HMCN1: variants seen among roughly 807,000 people sequenced by gnomAD.
HMCN1 encodes the protein hemicentin-1.
In HMCN1, 321 loss-of-function variants were observed where a neutral mutation model predicts 625.9. The ratio of observed to expected loss-of-function variants is 0.51; its 90% CI spans 0.47 to 0.56. HMCN1 has a LOEUF of 0.56. HMCN1 is among the 20% of genes least tolerant of loss of function. The pLI is 0.00. For missense variants in HMCN1, 6,588 were observed against 6,887.3 expected, an observed-to-expected ratio of 0.96 and a Z score of 1.54; for synonymous variants, 2,425 against 2,417.6, an observed-to-expected ratio of 1.00 and a Z score of -0.09.
chr1:186,020,502 C>G (rs192519732), intron 35 of HMCN1, among the ~76,000 whole-genome samples: 1 of 151,956 alleles, frequency 6.6e-6, no homozygotes, highest in Non-Finnish European at 1.5e-5. Context: ...GTGAAAGATT[C>G]AGTTTTTAGC....
Position 186,180,620 on chromosome 1 carries a change from C to T in HMCN1, c.16295-1548C>T, listed in dbSNP as rs75199632. On this transcript the variant is annotated intron_variant, in intron 104 of 106. Coordinates refer to ENST00000271588, the MANE Select transcript of HMCN1 (RefSeq NM_031935.3). ...GAGTCTTATAAATGTTTTCTGTCTT[C>T]CGTTTATGTTAAACCAATGTTATGT... 2.4e-3 allele frequency among the ~76,000 whole-genome samples: 371 copies of T among 152,230 alleles called. 1 individual carries two copies. Among genetic ancestry groups the T allele is most frequent in the Admixed American group, 0.018 (272 of 15,266 alleles).
intron 1 of HMCN1, among the ~76,000 whole-genome samples, chr1:185,755,465 G>A (rs965933650): frequency 1.3e-5 from 2 of 152,218 alleles, no homozygotes; most frequent in East Asian, 1.9e-4. Context: ...CTGGAAGGCT[G>A]TCTTTCACTG....
intron 69 of HMCN1, 75 bp from the exon 70 acceptor site, chr1:186,106,809 A>G: frequency 9.4e-7 from 1 of 1,058,558 alleles, no homozygotes; most frequent in Non-Finnish European, 1.5e-6. Context: ...ATTTACATTC[A>G]TTCTAGTGGA....
intron 11 of HMCN1, 84 bp downstream of exon 11, chr1:185,933,908 G>A: frequency 8.8e-7 from 1 of 1,130,406 alleles, no homozygotes; most frequent in Non-Finnish European, 1.3e-6. Flanking sequence ...TTGGCTATCT[G>A]AGAGTGAGAG....
In HMCN1 at chr1:185,977,839, A is replaced by G; in HGVS notation, c.2424A>G (p.Ser808=). 6.2e-7 allele frequency: 1 copy of G among 1,613,344 alleles called. No homozygotes were observed. Among genetic ancestry groups the G allele is most frequent in the Non-Finnish European group, 8.5e-7 (1 of 1,179,516 alleles). Residue 808 remains serine (S), a synonymous_variant, in exon 16 of 107, where the codon TCA becomes TCG. Transcript: ENST00000271588. The part of the protein sequence containing the change: ...EPADVSMEIG[S]NVTLPCYVQG... ...CTGATGTGTCTATGGAAATTGGCTC[A>G]AATGTGACATTACCTTGTTATGTTC...
intron 1 of HMCN1, among the ~76,000 whole-genome samples, chr1:185,776,442 TTGTGTGTG>T (rs57003461): frequency 8.9e-4 from 131 of 147,086 alleles, no homozygotes; most frequent in South Asian, 4.1e-3. Flanking sequence ...TTGTATAGGG[TTGTGTGTG>T]TGTGTGTGTG....
Position 186,137,530 on chromosome 1 carries a change from A to G in HMCN1, c.13615A>G (p.Arg4539Gly). 1 of 1,613,734 alleles carries G rather than the reference A, an allele frequency of 6.2e-7. No individual in the cohort carries two copies. The highest frequency in any genetic ancestry group is 8.5e-7 in the Non-Finnish European group (1 of 1,179,870). ...TGGATTTTCCCAGTGGTCTGCATGG[A>G]GAGCCTGCAGTGTCACCTGTGGAAA... Reference protein sequence around the residue: ...HGGFSQWSAWRACSVTCGKGI... With the variant: ...HGGFSQWSAWGACSVTCGKGI... Residue 4539 changes from arginine (R) to glycine (G), a missense_variant, in exon 88 of 107, where the codon AGA (arginine) becomes GGA (glycine). By Grantham distance (125) the Arg-to-Gly change is moderately radical. Transcript: ENST00000271588.
chr1:186,153,435 A>C (rs952738929), intron 96 of HMCN1, among the ~76,000 whole-genome samples: 1 of 152,190 alleles, frequency 6.6e-6, no homozygotes, highest in Non-Finnish European at 1.5e-5. Flanking sequence ...TGCCAAGCAG[A>C]TCCACATTCA....
intron 97 of HMCN1, among the ~76,000 whole-genome samples, chr1:186,162,036 C>T (rs1041473101): frequency 6.6e-6 from 1 of 152,154 alleles, no homozygotes; most frequent in African/African-American, 2.4e-5. Context: ...TTCCCTTCTC[C>T]CCATCACTTT....
intron 105 of HMCN1, among the ~76,000 whole-genome samples, chr1:186,184,174 A>G (rs569130854): frequency 1.9e-4 from 29 of 152,338 alleles, no homozygotes; most frequent in Middle Eastern, 6.8e-3. Context: ...GTGTCACTTG[A>G]AATGTCTGCA....
chr1:185,939,019 C>G (rs1459972744), intron 11 of HMCN1, among the ~76,000 whole-genome samples: 8 of 151,968 alleles, frequency 5.3e-5, no homozygotes, highest in Admixed American at 5.2e-4. Flanking sequence ...GGAAAAATAC[C>G]AAACATATAG....
intron 1 of HMCN1, among the ~76,000 whole-genome samples, chr1:185,755,845 A>T (rs1655099771): frequency 6.6e-6 from 1 of 152,116 alleles, no homozygotes; most frequent in African/African-American, 2.4e-5. Context: ...GGAGAACCAA[A>T]GTTCTTTTCC....
chr1:186,135,721 A>C (rs1398990094), intron 86 of HMCN1, among the ~76,000 whole-genome samples: 2 of 152,142 alleles, frequency 1.3e-5, no homozygotes, highest in African/African-American at 4.8e-5. Flanking sequence ...ATCCGTAACA[A>C]AGTTCTATCA....
Position 186,117,145 on chromosome 1 carries a change from CATG to C in HMCN1, c.11683+33_11683+35del, listed in dbSNP as rs774487365. ...AATTGGCTTGGAACATGGATTGAAA[CATG>C]ATAATGCTATCACTTCGTTATTCTA... On this transcript the variant is annotated intron_variant, in intron 76 of 106. Coordinates refer to ENST00000271588, the MANE Select transcript of HMCN1 (RefSeq NM_031935.3). The C allele has an allele frequency of 1.9e-6, 3 of 1,611,112 alleles. No homozygotes were observed. The South Asian group carries it at 3.3e-5, about 18-fold the overall frequency.
At chr1:186,090,550 T>C (rs1425730219) in intron 63 of HMCN1, among the ~76,000 whole-genome samples, 1 of 151,984 alleles carries the variant, frequency 6.6e-6, no homozygotes, top group Non-Finnish European at 1.5e-5. Context: ...ACTAAATAAT[T>C]ATATCAACTT....
In HMCN1 at chr1:186,045,899, A is replaced by T. The variant is rs369566871; in HGVS notation, c.6480+36A>T. 4.2e-5 allele frequency: 62 copies of T among 1,472,984 alleles called. No individual in the cohort carries two copies. The African/African-American group carries it at 7.2e-4, about 17-fold the overall frequency. The allele number at this position is 1,472,984 out of a possible 1,614,324, so 91.2% of individuals were successfully genotyped here. ...GGATTCATTTATTTTACCTTATGTT[A>T]TTAGAAGTTCATGGTTTTGGTATTA... On this transcript the variant is annotated intron_variant, in intron 41 of 106. Coordinates refer to ENST00000271588, the MANE Select transcript of HMCN1 (RefSeq NM_031935.3).
chr1:186,171,519 G>A (rs1286748072), intron 101 of HMCN1, 69 bp downstream of exon 101: 5 of 1,146,652 alleles, frequency 4.4e-6, no homozygotes, highest in Non-Finnish European at 6.6e-6. Context: ...TGATCTAAAT[G>A]CATACACTGT....
chr1:186,165,409 C>T (rs1651817575), intron 98 of HMCN1, among the ~76,000 whole-genome samples: 1 of 152,208 alleles, frequency 6.6e-6, no homozygotes, highest in African/African-American at 2.4e-5. Flanking sequence ...CCCATGTTCT[C>T]TGAATTTGGC....
chr1:185,867,945 C>T (rs886314730), intron 4 of HMCN1, among the ~76,000 whole-genome samples: 3 of 151,852 alleles, frequency 2.0e-5, no homozygotes, highest in African/African-American at 7.3e-5. Context: ...GGCACGTACC[C>T]ATAGTCCCAG....
Sources: allele counts gnomAD v4.1 joint callset (sites outside exome capture counted in the v4.1 genomes callset), GRCh38; gene constraint gnomAD v4.1.1; transcripts MANE v1.5; gene names NCBI Gene and HGNC (gene_info 2026-07-23, HGNC 2026-07-21).